Variants in GSE1 observed in about 807,000 individuals in gnomAD.
The protein encoded by GSE1 is Gse1 coiled-coil protein.
GSE1 carries 32 observed loss-of-function variants against 112.6 expected under a neutral mutation model. That is an observed-to-expected ratio of 0.28 (90% CI 0.21 to 0.38). The LOEUF (loss-of-function observed/expected upper bound fraction) is 0.38, where lower values mean the gene tolerates loss of function less well. Ranked by LOEUF, GSE1 falls within the 10% of genes least tolerant of loss-of-function variation. The pLI is 1.00. For synonymous variants in GSE1, 1,115 were observed against 735.6 expected (o/e 1.52, Z -8.35); for missense variants, 2,348 against 1,699.2 (o/e 1.38, Z -6.71).
At chr16:85,616,041 T>C (rs72801183) in intron 1 of GSE1, among the ~76,000 whole-genome samples, 6 of 152,086 alleles carry the variant, frequency 3.9e-5, no homozygotes, top group Non-Finnish European at 8.8e-5. Context: ...CAGATCTGAG[T>C]GCCTTGTGGT....
At chr16:85,644,178 A>G (rs1299719863) in intron 2 of GSE1, among the ~76,000 whole-genome samples, 1 of 151,874 alleles carries the variant, frequency 6.6e-6, no homozygotes, top group Non-Finnish European at 1.5e-5. Context: ...AAACAAACAA[A>G]CAAACAAAAA....
chr16:85,624,677 C>T (rs188600459), intron 1 of GSE1, among the ~76,000 whole-genome samples: 1 of 152,222 alleles, frequency 6.6e-6, no homozygotes, highest in East Asian at 1.9e-4. Flanking sequence ...GGGCGTGAAT[C>T]TCCAGCCTCC....
intron 2 of GSE1, among the ~76,000 whole-genome samples, chr16:85,450,360 T>C (rs1394465966): frequency 1.3e-5 from 2 of 151,988 alleles, no homozygotes; most frequent in Non-Finnish European, 2.9e-5. Context: ...TCAGGTGATC[T>C]GCCCGCCTTG....
intron 12 of GSE1, among the ~76,000 whole-genome samples, chr16:85,665,390 C>G (rs1380125598): frequency 6.6e-6 from 1 of 152,210 alleles, no homozygotes; most frequent in Non-Finnish European, 1.5e-5. Flanking sequence ...GTCGTAGTAA[C>G]CGTTGTCCTT....
chr16:85,294,622 T>C (rs1597317630), intron 1 of GSE1, among the ~76,000 whole-genome samples: 1 of 39,924 alleles, frequency 2.5e-5, no homozygotes, highest in African/African-American at 8.0e-5. Context: ...TCTCACTCTC[T>C]CTCTCTCTCT....
chr16:85,401,842 A>G (rs1260692598), intron 2 of GSE1, among the ~76,000 whole-genome samples: 1 of 152,210 alleles, frequency 6.6e-6, no homozygotes, highest in Non-Finnish European at 1.5e-5. Context: ...GGGAATGTCT[A>G]AACATGTGCT....
intron 2 of GSE1, among the ~76,000 whole-genome samples, chr16:85,637,133 G>C (rs1188452370): frequency 6.6e-6 from 1 of 152,100 alleles, no homozygotes; most frequent in Non-Finnish European, 1.5e-5. Flanking sequence ...AGAACATTTG[G>C]GTCACCCCTA....
rs555988072 is a variant in GSE1, at chr16:85,419,335, G to A, written c.2464+61692G>A. ...GGGTTTGAGAATATACCAGATGGCC[G>A]GGCGTGGTGGCTCGTGCCTATAATC... On this transcript the variant is annotated intron_variant, in intron 2 of 2. Transcript: ENST00000637419. The surrounding 1 kb of genome is among the most constrained non-coding windows in gnomAD (Gnocchi z 6.5). Among the ~76,000 whole-genome samples the A allele has an allele frequency of 3.9e-5, 6 of 152,280 alleles. No homozygotes were observed. The highest frequency in any genetic ancestry group is 7.2e-5 in the African/African-American group (3 of 41,552).
At chr16:85,535,972 C>A (rs2151195128) in intron 2 of GSE1, among the ~76,000 whole-genome samples, 1 of 152,364 alleles carries the variant, frequency 6.6e-6, no homozygotes, top group South Asian at 2.1e-4. Context: ...AGGCTCTAGG[C>A]CTAGGCTTTG....
chr16:85,315,750 A>G (rs935534162), intron 1 of GSE1, among the ~76,000 whole-genome samples: 3 of 152,264 alleles, frequency 2.0e-5, no homozygotes, highest in Non-Finnish European at 2.9e-5. Context: ...GGATATACTT[A>G]TACTAAAAAC....
chr16:85,652,299 C>T (rs577310117), intron 3 of GSE1, among the ~76,000 whole-genome samples: 5 of 152,368 alleles, frequency 3.3e-5, no homozygotes, highest in South Asian at 2.1e-4. Context: ...GTTGGCCCCT[C>T]GGCCACTCCC....
chr16:85,320,468 G>GTTTTGT (rs965789175), intron 1 of GSE1, among the ~76,000 whole-genome samples: 8 of 151,898 alleles, frequency 5.3e-5, no homozygotes, highest in East Asian at 3.9e-4. Context: ...GTTTTGTTTT[G>GTTTTGT]TTTTTTTGTA....
At position 85,169,558 on chromosome 16, in the gene GSE1, C is replaced by T. The variant is rs1390298988; in HGVS notation, c.34C>T (p.Gln12Ter). The change falls in exon 1 of 3, where the codon CAG (glutamine) becomes TAG (stop). Residue 12 changes from glutamine to a stop codon, truncating the protein, a stop_gained. Coordinates refer to the GSE1 transcript ENST00000637419. LOFTEE classifies it high-confidence loss of function. ...GCGGCCGGCCCCGGTCTCCCGCAAGCAGCGGCTCATGGCAGCCGTGGGCGA... is the reference window on the plus strand; with the variant it reads ...GCGGCCGGCCCCGGTCTCCCGCAAGTAGCGGCTCATGGCAGCCGTGGGCGA... 1.0e-6 allele frequency: 1 copy of T among 976,612 alleles called. No individual in the cohort carries two copies. 60.5% of individuals were successfully genotyped at this position (976,612 alleles called of 1,614,324 possible).
At chr16:85,335,319 G>A (rs1022052302) in intron 1 of GSE1, among the ~76,000 whole-genome samples, 1 of 152,250 alleles carries the variant, frequency 6.6e-6, no homozygotes, top group African/African-American at 2.4e-5. Flanking sequence ...GAGCAGCCCC[G>A]GGCCCGGGTG....
At chr16:85,598,525 A>G (rs1350850310) in intron 1 of GSE1, among the ~76,000 whole-genome samples, 1 of 152,266 alleles carries the variant, frequency 6.6e-6, no homozygotes, top group Non-Finnish European at 1.5e-5. Flanking sequence ...AATGTGCTTA[A>G]GAAAGCACCA....
chr16:85,376,956 G>T (rs941992047), intron 2 of GSE1, among the ~76,000 whole-genome samples: 5 of 152,276 alleles, frequency 3.3e-5, no homozygotes, highest in South Asian at 2.1e-4. Context: ...CAGGTTGCAC[G>T]CTGTGCAGTC....
chr16:85,431,749 A>G (rs2049127663), intron 2 of GSE1, among the ~76,000 whole-genome samples: 1 of 152,160 alleles, frequency 6.6e-6, no homozygotes, highest in African/African-American at 2.4e-5. Context: ...CCCAGAGGGT[A>G]TCTGGGCCGC....
At chr16:85,274,019 A>G (rs1909114016) in intron 1 of GSE1, among the ~76,000 whole-genome samples, 1 of 150,804 alleles carries the variant, frequency 6.6e-6, no homozygotes, top group Non-Finnish European at 1.5e-5. Flanking sequence ...TGGGGTGATG[A>G]AAAAGTTCTG....
chr16:85,666,534 C>T, intron 13 of GSE1, 187 bp downstream of exon 13: 1 of 631,710 alleles, frequency 1.6e-6, no homozygotes. Flanking sequence ...AGCTCTAAAA[C>T]CTGAACTCGT....
Sources: gnomAD v4.1 joint callset for allele counts (sites outside exome capture counted in the v4.1 genomes callset) on GRCh38, gnomAD v4.1.1 for gene constraint, Gnocchi (gnomAD v3.1) non-coding constraint, MANE v1.5 for transcripts, NCBI Gene and HGNC (gene_info 2026-07-23, HGNC 2026-07-21) for gene names.